CYP4X1: variants seen among roughly 807,000 people sequenced by gnomAD.
CYP4X1 encodes cytochrome P450 4X1.
A neutral mutation model predicts 57.9 loss-of-function variants in CYP4X1; 44 were observed. The observed-to-expected ratio is 0.76, with a 90% confidence interval of 0.60 to 0.98. The LOEUF is 0.98. CYP4X1 is among the 50% of genes least tolerant of loss of function. The probability of loss-of-function intolerance (pLI) is 0.00; values close to 1 mark genes in which losing one functional copy is unlikely to be tolerated. For missense variants in CYP4X1, 532 were observed against 623.9 expected (o/e 0.85, Z 1.57); for synonymous variants, 227 against 228.6 (o/e 0.99, Z 0.06).
At chr1:46,965,047 G>A in the CYP4X1 span, among the ~76,000 whole-genome samples, 4 of 152,184 alleles carry the variant, frequency 2.6e-5, no homozygotes, top group Non-Finnish European at 5.9e-5. Flanking sequence ...CCAGGCACAG[G>A]ATATAGTCTC....
chr1:47,035,757 A>G (rs377374236), intron 4 of CYP4X1, 49 bp from the exon 5 acceptor site: 125 of 1,576,388 alleles, frequency 7.9e-5, no homozygotes, highest in Middle Eastern at 3.8e-4. Context: ...AATGAAGGCA[A>G]TTTGGTCATG....
At chr1:46,966,057 G>A in the CYP4X1 span, among the ~76,000 whole-genome samples, 2 of 152,308 alleles carry the variant, frequency 1.3e-5, no homozygotes, top group Non-Finnish European at 2.9e-5. Flanking sequence ...CTCCAAAGCC[G>A]GCAGACTGGA....
At chr1:46,967,803 G>C in the CYP4X1 span, 1 of 1,365,566 alleles carries the variant, frequency 7.3e-7, no homozygotes, top group Non-Finnish European at 9.7e-7. Context: ...GCAGCTCAAA[G>C]CGGAGCAGGG....
At chr1:47,022,275 G>C (rs991433524), upstream of CYP4X1, among the ~76,000 whole-genome samples, 1 of 150,440 alleles carries the variant, frequency 6.6e-6, no homozygotes, top group Non-Finnish European at 1.5e-5. Flanking sequence ...ACCACCCCTG[G>C]GGCCTGTCTT....
the CYP4X1 span, among the ~76,000 whole-genome samples, chr1:47,014,003 G>T: frequency 6.6e-6 from 1 of 152,030 alleles, no homozygotes; most frequent in Non-Finnish European, 1.5e-5. Flanking sequence ...TCAAACTCCT[G>T]ACCTCAGGTG....
chr1:46,990,890 G>C, the CYP4X1 span, among the ~76,000 whole-genome samples: 1 of 152,014 alleles, frequency 6.6e-6, no homozygotes. Flanking sequence ...TCACACACTG[G>C]GGCCTGTTGG....
the CYP4X1 span, among the ~76,000 whole-genome samples, chr1:46,996,895 T>C: frequency 6.6e-6 from 1 of 152,208 alleles, no homozygotes; most frequent in African/African-American, 2.4e-5. Context: ...CAGATCAGTT[T>C]TGGGTGCCAC....
At chr1:47,022,391 A>G (rs1316843107), upstream of CYP4X1, among the ~76,000 whole-genome samples, 1 of 149,104 alleles carries the variant, frequency 6.7e-6, no homozygotes, top group Non-Finnish European at 1.5e-5. Flanking sequence ...CTCGGGTTCA[A>G]GCGATTCTCC....
intron 4 of CYP4X1, among the ~76,000 whole-genome samples, chr1:47,034,809 C>T (rs1311191907): frequency 6.6e-6 from 1 of 151,880 alleles, no homozygotes. Context: ...CGGAGCGCTT[C>T]CTCCCCTCCT....
chr1:47,021,142 C>CAAAAAAAAAAAAAAAAAAAAAA (rs546594827), upstream of CYP4X1, among the ~76,000 whole-genome samples: 1 of 47,458 alleles, frequency 2.1e-5, no homozygotes, highest in Non-Finnish European at 3.3e-5. Flanking sequence ...GCAGGAATGC[C>CAAAAAAAAAAAAAAAAAAAAAA]AAAAAAAAAA....
the CYP4X1 span, among the ~76,000 whole-genome samples, chr1:46,976,661 C>A: frequency 6.6e-6 from 1 of 152,172 alleles, no homozygotes; most frequent in African/African-American, 2.4e-5. Context: ...GGGTCCCTGA[C>A]CCCACTGTAG....
intron 3 of CYP4X1, among the ~76,000 whole-genome samples, chr1:47,032,384 T>A (rs1164234109): frequency 1.3e-5 from 2 of 152,182 alleles, no homozygotes; most frequent in Non-Finnish European, 2.9e-5. Flanking sequence ...TCTCTCCCTA[T>A]CTCAGTTTCC....
At chr1:47,026,827 C>T (rs1466797246) in intron 1 of CYP4X1, among the ~76,000 whole-genome samples, 1 of 152,058 alleles carries the variant, frequency 6.6e-6, no homozygotes, top group East Asian at 1.9e-4. Flanking sequence ...AAGCGATTCT[C>T]CTGCCTCAGC....
At chr1:46,970,562 T>C in the CYP4X1 span, among the ~76,000 whole-genome samples, 2 of 152,200 alleles carry the variant, frequency 1.3e-5, no homozygotes, top group Non-Finnish European at 2.9e-5. Context: ...AAATTTTGCT[T>C]GCTTGAGGAT....
chr1:47,005,762 T>A, the CYP4X1 span, among the ~76,000 whole-genome samples: 3 of 152,262 alleles, frequency 2.0e-5, no homozygotes, highest in African/African-American at 7.2e-5. Flanking sequence ...ATTGTCAGCA[T>A]ACATTTTGTC....
At chr1:47,031,659 C>G (rs1644124957) in intron 3 of CYP4X1, among the ~76,000 whole-genome samples, 179 bp downstream of exon 3, 1 of 152,160 alleles carries the variant, frequency 6.6e-6, no homozygotes, top group Non-Finnish European at 1.5e-5. Flanking sequence ...CACACCACCA[C>G]TTCCCAGAAA....
At chr1:47,009,657 C>A in the CYP4X1 span, among the ~76,000 whole-genome samples, 1 of 152,034 alleles carries the variant, frequency 6.6e-6, no homozygotes, top group Admixed American at 6.5e-5. Context: ...AATTGATAGA[C>A]CACTAGCAAG....
At chr1:46,985,773 GACGC>G in the CYP4X1 span, among the ~76,000 whole-genome samples, 10 of 152,184 alleles carry the variant, frequency 6.6e-5, no homozygotes, top group African/African-American at 2.4e-4. Context: ...CTGCAGCAGA[GACGC>G]TTTACTGTTA....
chr1:47,032,072 C>G (rs896863092), intron 3 of CYP4X1, among the ~76,000 whole-genome samples: 1 of 151,912 alleles, frequency 6.6e-6, no homozygotes, highest in Non-Finnish European at 1.5e-5. Flanking sequence ...AAAAACTACC[C>G]AAACTGCAGT....
Sources: gnomAD v4.1 joint callset for allele counts (sites outside exome capture counted in the v4.1 genomes callset) on GRCh38, gnomAD v4.1.1 for gene constraint, MANE v1.5 for transcripts, NCBI Gene and HGNC (gene_info 2026-07-23, HGNC 2026-07-21) for gene names.